Variants in DNAH14 observed in about 807,000 individuals in gnomAD.
DNAH14 encodes dynein axonemal heavy chain 14, also known as axonemal beta dynein heavy chain 14.
Under a neutral mutation model 520.9 loss-of-function variants are expected in DNAH14, and 478 were observed. That is an observed-to-expected ratio of 0.92 (90% CI 0.85 to 0.99). The LOEUF is 0.99. Ranked by LOEUF, DNAH14 falls within the 50% of genes least tolerant of loss-of-function variation. The pLI is 0.00. For synonymous variants in DNAH14, 1,581 were observed against 1,757.2 expected, an observed-to-expected ratio of 0.90 and a Z score of 2.51; for missense variants, 4,831 against 5,234.5, an observed-to-expected ratio of 0.92 and a Z score of 2.38.
chr1:225,339,113 A>G (rs2095124097), intron 68 of DNAH14, among the ~76,000 whole-genome samples: 1 of 149,474 alleles, frequency 6.7e-6, no homozygotes, highest in Non-Finnish European at 1.5e-5. Context: ...CCTGACCAAC[A>G]TGGTGAAACT....
chr1:224,972,998 A>G (rs1302152027), intron 7 of DNAH14, among the ~76,000 whole-genome samples: 1 of 151,982 alleles, frequency 6.6e-6, no homozygotes, highest in Non-Finnish European at 1.5e-5. Flanking sequence ...TTCCCCTCTG[A>G]TTCTTATGGA....
intron 17 of DNAH14, among the ~76,000 whole-genome samples, chr1:225,078,826 CTCTCTCTCT>C (rs1177636290): frequency 0.36 from 30,495 of 84,718 alleles, 8,084 homozygotes; most frequent in South Asian, 0.44. Flanking sequence ...CTCTCTCTCC[CTCTCTCTCT>C]CTCTCTCCCT....
At chr1:225,084,113 G>A (rs1431666316) in intron 20 of DNAH14, among the ~76,000 whole-genome samples, 3 of 152,058 alleles carry the variant, frequency 2.0e-5, no homozygotes, top group Admixed American at 2.0e-4. Context: ...ATTTTTTAGA[G>A]GTTCCCAATT....
chr1:224,991,683 C>T lies in DNAH14; in HGVS notation c.831-11100C>T, dbSNP rs143794733. Among the ~76,000 whole-genome samples the T allele has an allele frequency of 4.3e-3, 656 of 152,086 alleles. 3 individuals are homozygous for T. Among genetic ancestry groups the T allele is most frequent in the African/African-American group, 0.015 (622 of 41,490 alleles). On this transcript the variant is annotated intron_variant, in intron 8 of 85. Transcript: ENST00000682510. ...TTCCTTTTTTTCTTTTCAGTAGAGACGGGTATCTATATGCTCCATCCATGT... is the reference window on the plus strand; with the variant it reads ...TTCCTTTTTTTCTTTTCAGTAGAGATGGGTATCTATATGCTCCATCCATGT...
At chr1:225,223,464 T>A (rs538617531) in intron 41 of DNAH14, among the ~76,000 whole-genome samples, 4 of 152,128 alleles carry the variant, frequency 2.6e-5, no homozygotes, top group Admixed American at 6.5e-5. Flanking sequence ...ATGAATTAGT[T>A]GAGGAGTAAT....
chr1:225,326,463 T>C (rs1339620706), intron 64 of DNAH14, among the ~76,000 whole-genome samples: 1 of 137,508 alleles, frequency 7.3e-6, no homozygotes, highest in Non-Finnish European at 1.5e-5. Context: ...AGAGAAGGTA[T>C]GGGGCCAGGT....
chr1:225,357,960 C>T (rs552427181), intron 73 of DNAH14: 181 of 636,162 alleles, frequency 2.8e-4, no homozygotes, highest in Admixed American at 7.1e-4. Flanking sequence ...CCTCTGTTTA[C>T]TATGCATTTA....
At chr1:225,379,696 T>C (rs1446783865) in intron 79 of DNAH14, among the ~76,000 whole-genome samples, 4 of 152,094 alleles carry the variant, frequency 2.6e-5, no homozygotes, top group Non-Finnish European at 5.9e-5. Flanking sequence ...GGCTAACTTT[T>C]GTATTTTTAG....
intron 60 of DNAH14, among the ~76,000 whole-genome samples, chr1:225,312,692 A>G (rs1433408812): frequency 6.6e-6 from 1 of 152,158 alleles, no homozygotes; most frequent in African/African-American, 2.4e-5. Flanking sequence ...TTCTGCATCT[A>G]TTGAGATAAT....
At chr1:225,287,333 G>A (rs2093770682) in intron 54 of DNAH14, among the ~76,000 whole-genome samples, 1 of 152,136 alleles carries the variant, frequency 6.6e-6, no homozygotes, top group Non-Finnish European at 1.5e-5. Context: ...AGGGGAAAAG[G>A]AGCCAATATA....
chr1:225,345,605 A>G (rs1168965436), intron 69 of DNAH14, among the ~76,000 whole-genome samples: 4 of 152,186 alleles, frequency 2.6e-5, no homozygotes, highest in African/African-American at 7.2e-5. Context: ...CACACTTGTT[A>G]TTTTTTGAAA....
At chr1:225,384,044 G>A (rs567164420) in intron 81 of DNAH14, among the ~76,000 whole-genome samples, 6 of 152,268 alleles carry the variant, frequency 3.9e-5, no homozygotes, top group East Asian at 1.9e-4. Context: ...GTAGTTGAGC[G>A]GTTTTAGTGA....
Position 225,257,840 on chromosome 1 carries a change from T to C in DNAH14, c.6866-120T>C, listed in dbSNP as rs562395975. ...GTGAGCCACCGTGCCCAGCCAGCCA[T>C]GTACTTTTCATATATACAATTAATG... On this transcript the variant is annotated intron_variant, in intron 44 of 85. Coordinates refer to ENST00000682510, the MANE Select transcript of DNAH14 (RefSeq NM_001367479.1). 1.4e-5 allele frequency: 12 copies of C among 862,344 alleles called. No individual in the cohort carries two copies. The South Asian group carries it at 2.1e-4, about 15-fold the overall frequency. 53.4% of individuals were successfully genotyped at this position (862,344 alleles called of 1,614,324 possible). A position where few individuals can be genotyped will look rare whatever the true frequency, so the allele number is the denominator to read the frequency against.
At chr1:225,291,844 CA>C (rs1024074061) in intron 55 of DNAH14, among the ~76,000 whole-genome samples, 1 of 151,976 alleles carries the variant, frequency 6.6e-6, no homozygotes, top group Non-Finnish European at 1.5e-5. Context: ...AGCATTTATT[CA>C]TTTTTTTGGC....
intron 61 of DNAH14, among the ~76,000 whole-genome samples, chr1:225,320,329 A>G (rs1558373780): frequency 1.3e-5 from 2 of 152,344 alleles, no homozygotes; most frequent in East Asian, 3.9e-4. Context: ...CAAATGCTCA[A>G]TAAAGGTTAC....
rs781256627 is a variant in DNAH14, at chr1:225,353,897, T to C, written c.11619+9T>C. On this transcript the variant is annotated intron_variant, in intron 73 of 85. Transcript: ENST00000682510. Reference sequence around the variant, plus strand: ...TTCAAAGACTTATTTTGGTAAGATATCTTATGAGGAAATATTAATATTCTA... The same window carrying C: ...TTCAAAGACTTATTTTGGTAAGATACCTTATGAGGAAATATTAATATTCTA... 2.2e-6 allele frequency: 3 copies of C among 1,359,818 alleles called. No homozygotes were observed. In the South Asian group the frequency reaches 3.9e-5, roughly 18 times the overall value. The allele number at this position is 1,359,818 out of a possible 1,614,324, so 84.2% of individuals were successfully genotyped here.
chr1:225,107,706 A>T (rs961681825), intron 23 of DNAH14, among the ~76,000 whole-genome samples: 1 of 152,122 alleles, frequency 6.6e-6, no homozygotes, highest in Non-Finnish European at 1.5e-5. Flanking sequence ...TAGTTTTTTG[A>T]GGAACTTCCA....
rs563039487 is a variant in DNAH14 at position 225,375,769 on chromosome 1, T to G, written c.12516+884T>G. 2.6e-5 allele frequency among the ~76,000 whole-genome samples: 4 copies of G among 151,800 alleles called. No homozygotes were observed. The East Asian group carries it at 7.7e-4, about 29-fold the overall frequency. On this transcript the variant is annotated intron_variant, in intron 78 of 85. Coordinates refer to ENST00000682510, the MANE Select transcript of DNAH14 (RefSeq NM_001367479.1). The stretch of plus-strand genomic sequence containing the variant: ...TGAGGGCTTTTTTTTTTTTAAGATT[T>G]CCATCAAAAAACAACAACAACAACA...
intron 36 of DNAH14, among the ~76,000 whole-genome samples, chr1:225,180,594 G>A (rs1380738690): frequency 6.6e-6 from 1 of 152,096 alleles, no homozygotes; most frequent in African/African-American, 2.4e-5. Context: ...CTATTAGAGT[G>A]AGAACACATT....
Sources: gnomAD v4.1 joint callset for allele counts (sites outside exome capture counted in the v4.1 genomes callset) on GRCh38, gnomAD v4.1.1 for gene constraint, MANE v1.5 for transcripts, NCBI Gene and HGNC (gene_info 2026-07-23, HGNC 2026-07-21) for gene names.